DNAH10: variants seen among roughly 807,000 people sequenced by gnomAD.
The protein encoded by DNAH10 is dynein axonemal heavy chain 10.
Under a neutral mutation model 506.6 loss-of-function variants are expected in DNAH10, and 348 were observed. The ratio of observed to expected loss-of-function variants is 0.69; its 90% confidence interval spans 0.63 to 0.75. The LOEUF (loss-of-function observed/expected upper bound fraction) is 0.75. DNAH10 is among the 30% of genes least tolerant of loss of function. The pLI, the probability that DNAH10 is intolerant of heterozygous loss-of-function variation, is 0.00. For missense variants in DNAH10, 5,179 were observed against 5,787.1 expected, an observed-to-expected ratio of 0.89 and a Z score of 3.41; for synonymous variants, 2,059 against 2,198.6, an observed-to-expected ratio of 0.94 and a Z score of 1.78.
chr12:123,774,083 T>C lies in DNAH10; in HGVS notation c.506-66T>C, dbSNP rs541822902. The C allele has an allele frequency of 4.6e-5, 47 of 1,023,140 alleles. No homozygotes were observed. The African/African-American group carries it at 5.5e-4, about 12-fold the overall frequency. 63.4% of individuals were successfully genotyped at this position (1,023,140 alleles called of 1,614,324 possible). On this transcript the variant is annotated intron_variant, in intron 4 of 78. Coordinates refer to ENST00000673944, the MANE Select transcript of DNAH10 (RefSeq NM_001372106.1). ...GAAGAAGGAGAAGATTCCTGTTCTC[T>C]TGGAAATGTTAACTGTTGGCTGCTC...
chr12:123,891,925 T>C (rs1953000675), intron 52 of DNAH10, among the ~76,000 whole-genome samples: 1 of 152,198 alleles, frequency 6.6e-6, no homozygotes, highest in South Asian at 2.1e-4. Flanking sequence ...CAGGACATGC[T>C]TAATCCCCCA....
At chr12:123,784,692 A>G (rs1957785115) in intron 8 of DNAH10, among the ~76,000 whole-genome samples, 1 of 152,226 alleles carries the variant, frequency 6.6e-6, no homozygotes, top group African/African-American at 2.4e-5. Flanking sequence ...AAACAGTTTC[A>G]TCTTCCCAAA....
chr12:123,859,283 C>T lies in DNAH10; in HGVS notation c.6749+15C>T, dbSNP rs752061796. ...GCCCAGACCAAGTGAGTATGACCTC[C>T]GTAGGGAGGGCCTGGCTGCCACAGG... On this transcript the variant is annotated intron_variant, in intron 38 of 78. Coordinates refer to ENST00000673944, the MANE Select transcript of DNAH10 (RefSeq NM_001372106.1). 2.7e-5 allele frequency: 42 copies of T among 1,555,314 alleles called. No individual in the cohort carries two copies. Among genetic ancestry groups the T allele is most frequent in the South Asian group, 1.2e-4 (10 of 80,894 alleles).
Position 123,919,001 on chromosome 12 carries a change from C to G in DNAH10, c.11506+52C>G, listed in dbSNP as rs1036337610. Reference sequence around the variant, plus strand: ...TGTTAGTGTAGTTTGGTGTGCCAGACGTGGCTTTAAGGAAACGTGATCTGT... The same window carrying G: ...TGTTAGTGTAGTTTGGTGTGCCAGAGGTGGCTTTAAGGAAACGTGATCTGT... On this transcript the variant is annotated intron_variant, in intron 65 of 78. Coordinates refer to ENST00000673944, the MANE Select transcript of DNAH10 (RefSeq NM_001372106.1). The surrounding 1 kb of genome is among the most constrained non-coding windows in gnomAD (Gnocchi z 4.9). The G allele has an allele frequency of 6.7e-7, 1 of 1,488,876 alleles. No individual in the cohort carries two copies. The highest frequency in any genetic ancestry group is 9.0e-7 in the Non-Finnish European group (1 of 1,113,848). 92.2% of individuals were successfully genotyped at this position (1,488,876 alleles called of 1,614,324 possible). A position where few individuals can be genotyped will look rare whatever the true frequency, so the allele number is the denominator to read the frequency against.
In DNAH10 at chr12:123,930,570, G is replaced by C. The variant is rs759758233; in HGVS notation, c.12781G>C (p.Val4261Leu). 17 of 1,605,244 alleles carry C rather than the reference G, an allele frequency of 1.1e-5. No homozygotes were observed. In the Admixed American group the frequency reaches 1.6e-4, roughly 15 times the overall value. Residue 4261 changes from valine to leucine, a missense_variant, in exon 73 of 79, where the codon GTT becomes CTT. Coordinates refer to ENST00000673944, the MANE Select transcript of DNAH10 (RefSeq NM_001372106.1). ...IPVGDEKEKFVEAIEALPLAN... is the reference protein window; with the variant it reads ...IPVGDEKEKFLEAIEALPLAN... ...TGTTGGTGATGAAAAGGAGAAATTT[G>C]TTGGTGAGATTTCTCAGACATGAAA...
Position 123,787,870 on chromosome 12 carries a change from G to A in DNAH10, c.1488G>A (p.Lys496=), listed in dbSNP as rs746846748. 3.7e-6 allele frequency: 6 copies of A among 1,613,902 alleles called. No individual in the cohort carries two copies. In the Admixed American group the frequency reaches 1.0e-4, roughly 27 times the overall value. ...GGAACACCCTCAGGCTGTGGAAAAA[G>A]GCCTATTTTGACACCCGGGCCAAGA... is the stretch of plus-strand genomic sequence containing the variant. The part of the protein sequence containing the change: ...EARNTLRLWK[K]AYFDTRAKIE... The change falls in exon 10 of 79, where the codon AAG becomes AAA. Residue 496 remains lysine (K), a synonymous_variant. Transcript: ENST00000673944. This position sits in a 1 kb window ranked among gnomAD's most constrained non-coding sequence, Gnocchi z 4.6.
chr12:123,835,303 C>T (rs890026329), intron 27 of DNAH10, 103 bp from the exon 28 acceptor site: 8 of 1,373,162 alleles, frequency 5.8e-6, no homozygotes, highest in Admixed American at 5.1e-5. Context: ...GTCCTCCCAC[C>T]TGAGTTGATT....
At position 123,925,488 on chromosome 12, in the gene DNAH10, G is replaced by T. The variant is rs1594399016; in HGVS notation, c.11921+284G>T. ...AATTGTAATAACATTTTATTTAAATGAATATATTAAAATTATCATTTGAAT... is the reference window on the plus strand; with the variant it reads ...AATTGTAATAACATTTTATTTAAATTAATATATTAAAATTATCATTTGAAT... On this transcript the variant is annotated intron_variant, in intron 68 of 78. Coordinates refer to ENST00000673944, the MANE Select transcript of DNAH10 (RefSeq NM_001372106.1). The surrounding 1 kb of genome is among the most constrained non-coding windows in gnomAD (Gnocchi z 4.0). 2 of 309,560 alleles carry T rather than the reference G, an allele frequency of 6.5e-6. No individual in the cohort carries two copies. Among genetic ancestry groups the T allele is most frequent in the Admixed American group, 4.7e-5 (1 of 21,310 alleles). The allele number at this position is 309,560 out of a possible 1,614,324, so 19.2% of individuals were successfully genotyped here.
At chr12:123,869,780 C>T (rs1362458290) in intron 43 of DNAH10, among the ~76,000 whole-genome samples, 1 of 152,188 alleles carries the variant, frequency 6.6e-6, no homozygotes, top group African/African-American at 2.4e-5. Context: ...GCCTCTCTAC[C>T]ATCCTGTCAG....
intron 65 of DNAH10, among the ~76,000 whole-genome samples, chr12:123,922,369 C>G (rs1329193592): frequency 6.6e-6 from 1 of 152,124 alleles, no homozygotes; most frequent in Non-Finnish European, 1.5e-5. Flanking sequence ...CAAAAAAACT[C>G]ACCATTTCAG....
Position 123,867,432 on chromosome 12 carries a change from C to A in DNAH10, c.7168-35C>A, listed in dbSNP as rs1165066084. Reference sequence around the variant, plus strand: ...ACTAACTTCCATTTAAATAAACAAACCCTTGAAATGCTTTGGAATGCTACT... The same window carrying A: ...ACTAACTTCCATTTAAATAAACAAAACCTTGAAATGCTTTGGAATGCTACT... On this transcript the variant is annotated intron_variant, in intron 41 of 78. Coordinates refer to ENST00000673944, the MANE Select transcript of DNAH10 (RefSeq NM_001372106.1). The A allele has an allele frequency of 8.1e-6, 13 of 1,595,308 alleles. No individual in the cohort carries two copies. In the Admixed American group the frequency reaches 2.3e-4, roughly 28 times the overall value.
chr12:123,858,520 C>A (rs1487172081), intron 37 of DNAH10, among the ~76,000 whole-genome samples: 1 of 152,186 alleles, frequency 6.6e-6, no homozygotes, highest in Non-Finnish European at 1.5e-5. Flanking sequence ...TGGAAAACAG[C>A]CTGGCAGTTC....
At chr12:123,877,220 G>A (rs1000937553) in intron 47 of DNAH10, among the ~76,000 whole-genome samples, 10 of 152,088 alleles carry the variant, frequency 6.6e-5, no homozygotes, top group Non-Finnish European at 1.2e-4. Flanking sequence ...CATAAAGCAC[G>A]TGGCTTTCTG....
intron 36 of DNAH10, 123 bp from the exon 37 acceptor site, chr12:123,856,933 A>C: frequency 1.8e-6 from 1 of 555,596 alleles, no homozygotes; most frequent in Non-Finnish European, 2.7e-6. Context: ...AAAAATAATA[A>C]AATGTTTATA....
chr12:123,766,036 G>A (rs6488904), intron 1 of DNAH10, among the ~76,000 whole-genome samples: 52,141 of 151,628 alleles, frequency 0.34, 10,620 homozygotes, highest in African/African-American at 0.57. Flanking sequence ...ATCTATCTCT[G>A]TCTATACATC....
In DNAH10 at chr12:123,898,660, CA is replaced by C; in HGVS notation, c.9488del (p.Lys3163SerfsTer10). ...EKTQCNIAQC[K>X]RLDGGLDKLK... ...GGTGCCCTCTTTCCTCAGCTCAGTG[CA>C]AGCGTCTGGATGGGGGACTGGACAA... On this transcript the variant is annotated frameshift_variant, in exon 56 of 79. Coordinates refer to ENST00000673944, the MANE Select transcript of DNAH10 (RefSeq NM_001372106.1). LOFTEE classifies it high-confidence loss of function. The C allele has an allele frequency of 6.3e-7, 1 of 1,579,074 alleles. No individual in the cohort carries two copies. The highest frequency in any genetic ancestry group is 8.6e-7 in the Non-Finnish European group (1 of 1,162,638).
chr12:123,929,373 C>G lies in DNAH10; in HGVS notation c.12405C>G (p.Phe4135Leu). 1 of 1,612,252 alleles carries G rather than the reference C, an allele frequency of 6.2e-7. No homozygotes were observed. The highest frequency in any genetic ancestry group is 8.5e-7 in the Non-Finnish European group (1 of 1,179,178). ...EMLDQCPHPA[F>L]KPLVYVLAFF... ...TGGACCAGTGCCCGCACCCTGCCTT[C>G]AAGCCGCTGGTCTACGTGCTGGCGT... Residue 4135 changes from phenylalanine (F) to leucine (L), a missense_variant, in exon 71 of 79, where the codon TTC becomes TTG. Physicochemically the swap from Phe to Leu is conservative, Grantham distance 22. Transcript: ENST00000673944.
intron 66 of DNAH10, 194 bp from the exon 67 acceptor site, chr12:123,924,084 G>A: frequency 1.3e-6 from 1 of 796,574 alleles, no homozygotes; most frequent in Non-Finnish European, 1.9e-6. Context: ...CCATCCTGAG[G>A]CTGGAAGCTG....
chr12:123,824,473 A>C (rs146499491), intron 24 of DNAH10, among the ~76,000 whole-genome samples: 2,289 of 152,250 alleles, frequency 0.015, 53 homozygotes, highest in African/African-American at 0.05. Flanking sequence ...ACCAGTTCAG[A>C]TGGGCTCACC....
Sources: allele counts gnomAD v4.1 joint callset (sites outside exome capture counted in the v4.1 genomes callset), GRCh38; gene constraint gnomAD v4.1.1; non-coding constraint Gnocchi (gnomAD v3.1); transcripts MANE v1.5; gene names NCBI Gene and HGNC (gene_info 2026-07-23, HGNC 2026-07-21).